SEZ6L: variants seen among roughly 807,000 people sequenced by gnomAD.
The protein encoded by SEZ6L is seizure related 6 homolog like.
Under a neutral mutation model 106.2 loss-of-function variants are expected in SEZ6L, and 37 were observed. The ratio of observed to expected loss-of-function variants is 0.35; its 90% CI spans 0.27 to 0.46. The LOEUF is 0.46. SEZ6L is among the 20% of genes least tolerant of loss of function. The pLI, the probability that SEZ6L is intolerant of heterozygous loss-of-function variation, is 1.00. For missense variants in SEZ6L, 1,172 were observed against 1,332.8 expected, an observed-to-expected ratio of 0.88 and a Z score of 1.88; for synonymous variants, 541 against 570.4, an observed-to-expected ratio of 0.95 and a Z score of 0.73.
At chr22:26,343,191 C>T (rs1166432260) in intron 10 of SEZ6L, among the ~76,000 whole-genome samples, 8 of 152,112 alleles carry the variant, frequency 5.3e-5, no homozygotes, top group Non-Finnish European at 1.2e-4. Flanking sequence ...GAGGAAGTCT[C>T]TGGTCTCCTG....
rs545734397 is a variant in SEZ6L, at chr22:26,311,907, C to T, written c.1821C>T (p.Ile607=). ...CCCTGGAGCAGGGCCCGGCCATCATCGAATGCATCAATGTGCGGGACCCAT... is the reference window on the plus strand; with the variant it reads ...CCCTGGAGCAGGGCCCGGCCATCATTGAATGCATCAATGTGCGGGACCCAT... The part of the protein sequence containing the change: ...GHSLEQGPAI[I]ECINVRDPYW... Residue 607 remains isoleucine (I), a synonymous_variant, in exon 8 of 17, where the codon ATC becomes ATT. Coordinates refer to ENST00000248933, the MANE Select transcript of SEZ6L (RefSeq NM_021115.5). 8 of 1,614,206 alleles carry T rather than the reference C, an allele frequency of 5.0e-6. No homozygotes were observed. In the African/African-American group the frequency reaches 5.3e-5, roughly 11 times the overall value.
chr22:26,311,924 G>A lies in SEZ6L; in HGVS notation c.1838G>A (p.Arg613Gln), dbSNP rs1285863969. Residue 613 changes from arginine (R) to glutamine (Q), a missense_variant, in exon 8 of 17, where the codon CGG becomes CAG. Arg to Gln is a conservative substitution (Grantham distance 43). This residue lies in a region of SEZ6L where 534 missense variants were observed against 691.0 expected (regional missense o/e 0.77). Transcript: ENST00000248933. The part of the protein sequence containing the change: ...GPAIIECINV[R>Q]DPYWNDTEPL... ...GCCATCATCGAATGCATCAATGTGC[G>A]GGACCCATACTGGAATGACACAGAG... is the stretch of plus-strand genomic sequence containing the variant. 4.3e-6 allele frequency: 7 copies of A among 1,613,924 alleles called. No homozygotes were observed. Among genetic ancestry groups the A allele is most frequent in the Non-Finnish European group, 5.9e-6 (7 of 1,179,982 alleles).
Position 26,306,011 on chromosome 22 carries a change from A to G in SEZ6L, c.1381A>G (p.Ile461Val), listed in dbSNP as rs201513330. Residue 461 changes from isoleucine (I) to valine (V), a missense_variant, in exon 6 of 17, where the codon ATC (isoleucine) becomes GTC (valine). Transcript: ENST00000248933. ...PCGGAVHNAT[I>V]GRVLSPSYPE... is the part of the protein sequence containing the mutation. ...TGGAGGGGCAGTGCACAATGCCACC[A>G]TCGGCCGCGTCCTCTCCCCAAGTTA... 1.2e-5 allele frequency: 20 copies of G among 1,604,598 alleles called. No homozygotes were observed. In the East Asian group the frequency reaches 4.5e-4, roughly 36 times the overall value.
At position 26,169,469 on chromosome 22, in the gene SEZ6L, C is replaced by G; in HGVS notation, c.-201C>G. On this transcript the variant is annotated 5_prime_UTR_variant, in exon 1 of 17. Transcript: ENST00000248933. ...GCTCGCCGGCTCCTCCTCACTCGCC[C>G]GCCCGCGCCCGGCGCAGCTCGGCCA... The G allele has an allele frequency of 3.0e-6, 1 of 336,208 alleles. No homozygotes were observed. The highest frequency in any genetic ancestry group is 5.4e-6 in the Non-Finnish European group (1 of 186,676). The allele number at this position is 336,208 out of a possible 1,614,324, so 20.8% of individuals were successfully genotyped here. A position where few individuals can be genotyped will look rare whatever the true frequency, so the allele number is the denominator to read the frequency against.
chr22:26,375,909 C>T (rs1181743892), intron 15 of SEZ6L, among the ~76,000 whole-genome samples: 1 of 152,198 alleles, frequency 6.6e-6, no homozygotes, highest in Non-Finnish European at 1.5e-5. Flanking sequence ...AAATACTATT[C>T]CTGCCCTCAA....
intron 1 of SEZ6L, among the ~76,000 whole-genome samples, chr22:26,252,728 A>G (rs1194600424): frequency 2.6e-5 from 4 of 152,340 alleles, no homozygotes; most frequent in East Asian, 3.9e-4. Context: ...AGTTGCATCC[A>G]TGTTCCTGCT....
intron 10 of SEZ6L, 130 bp from the exon 11 acceptor site, chr22:26,347,589 G>C: frequency 1.5e-6 from 1 of 682,466 alleles, no homozygotes; most frequent in East Asian, 3.3e-5. Context: ...CCAGTTAAGC[G>C]ATTTTGGAAG....
intron 12 of SEZ6L, among the ~76,000 whole-genome samples, chr22:26,362,445 T>G (rs2083664975): frequency 6.6e-6 from 1 of 152,214 alleles, no homozygotes; most frequent in Admixed American, 6.5e-5. Flanking sequence ...GCCCCTTCCC[T>G]TGGCTACTTT....
intron 1 of SEZ6L, among the ~76,000 whole-genome samples, chr22:26,280,294 A>G (rs1183689393): frequency 6.6e-6 from 1 of 152,152 alleles, no homozygotes; most frequent in Non-Finnish European, 1.5e-5. Context: ...ATATATATGC[A>G]TGTAAAAAAA....
chr22:26,292,301 AC>A, intron 1 of SEZ6L, 104 bp from the exon 2 acceptor site: 1 of 830,414 alleles, frequency 1.2e-6, no homozygotes, highest in Non-Finnish European at 1.9e-6. Flanking sequence ...GGCCAGCCGG[AC>A]GAGCTTTGGG....
intron 12 of SEZ6L, among the ~76,000 whole-genome samples, chr22:26,357,113 G>C (rs1052321228): frequency 6.6e-6 from 1 of 152,010 alleles, no homozygotes; most frequent in African/African-American, 2.4e-5. Context: ...CACCACGCCT[G>C]GCTAATTTTT....
intron 1 of SEZ6L, among the ~76,000 whole-genome samples, chr22:26,203,761 A>G (rs972783879): frequency 1.3e-5 from 2 of 152,154 alleles, no homozygotes; most frequent in African/African-American, 4.8e-5. Flanking sequence ...CAGGTTTGGA[A>G]CCCTGGTATG....
chr22:26,263,150 C>T (rs1658552919), intron 1 of SEZ6L, among the ~76,000 whole-genome samples: 1 of 152,218 alleles, frequency 6.6e-6, no homozygotes, highest in South Asian at 2.1e-4. Context: ...ATTAACTCCT[C>T]CCCTGGACTC....
At chr22:26,195,664 T>C (rs1940526193) in intron 1 of SEZ6L, among the ~76,000 whole-genome samples, 1 of 152,188 alleles carries the variant, frequency 6.6e-6, no homozygotes, top group Admixed American at 6.5e-5. Context: ...GGATGTGGTC[T>C]CCATGCTCAA....
chr22:26,324,255 A>G (rs1382947478), intron 9 of SEZ6L, among the ~76,000 whole-genome samples: 3 of 152,150 alleles, frequency 2.0e-5, no homozygotes, highest in Admixed American at 6.6e-5. Context: ...CTGCAGGGAA[A>G]AAGTCTCAAT....
intron 1 of SEZ6L, among the ~76,000 whole-genome samples, chr22:26,239,095 G>A (rs190147558): frequency 6.6e-6 from 1 of 152,222 alleles, no homozygotes; most frequent in Admixed American, 6.5e-5. Flanking sequence ...ATGATGTCAT[G>A]TGCTTGTAGT....
chr22:26,342,847 CT>C (rs370623317), intron 10 of SEZ6L, among the ~76,000 whole-genome samples: 2 of 152,318 alleles, frequency 1.3e-5, no homozygotes, highest in African/African-American at 4.8e-5. Context: ...GCACTTGCAC[CT>C]AAAAACAAGC....
intron 1 of SEZ6L, among the ~76,000 whole-genome samples, chr22:26,281,701 G>T (rs1375343420): frequency 1.3e-5 from 2 of 152,184 alleles, no homozygotes; most frequent in Non-Finnish European, 2.9e-5. Flanking sequence ...AAATTACCCA[G>T]TTCCGATGTT....
At chr22:26,324,937 T>C (rs2082263971) in intron 9 of SEZ6L, among the ~76,000 whole-genome samples, 1 of 152,188 alleles carries the variant, frequency 6.6e-6, no homozygotes, top group Admixed American at 6.5e-5. Flanking sequence ...GTTGTGCTTC[T>C]GGTCTTAGCT....
Sources: gnomAD v4.1 joint callset for allele counts (sites outside exome capture counted in the v4.1 genomes callset) on GRCh38, gnomAD v4.1.1 for gene constraint, gnomAD v4.1.1 regional missense constraint, MANE v1.5 for transcripts, NCBI Gene and HGNC (gene_info 2026-07-23, HGNC 2026-07-21) for gene names.